The following SRD5A2 variants were observed in gnomAD, a reference collection of about 807,000 sequenced individuals.
SRD5A2 encodes steroid 5 alpha-reductase 2.
SRD5A2 carries 30 observed loss-of-function variants against 27.4 expected under a neutral mutation model. That is an observed-to-expected ratio of 1.10 (90% confidence interval 0.82 to 1.49). SRD5A2 has a LOEUF of 1.49. SRD5A2 is among the 40% of genes most tolerant of loss of function. The pLI is 0.00. For synonymous variants in SRD5A2, 141 were observed against 133.6 expected, an observed-to-expected ratio of 1.06 and a Z score of -0.38; for missense variants, 348 against 323.4, an observed-to-expected ratio of 1.08 and a Z score of -0.58.
chr2:31,562,481 T>C (rs1398234968), intron 1 of SRD5A2, among the ~76,000 whole-genome samples: 1 of 152,174 alleles, frequency 6.6e-6, no homozygotes, highest in Non-Finnish European at 1.5e-5. Context: ...ATTCATTCAA[T>C]CTAATCATAT....
the SRD5A2 span, among the ~76,000 whole-genome samples, chr2:31,586,741 T>C: frequency 6.6e-6 from 1 of 152,130 alleles, no homozygotes; most frequent in African/African-American, 2.4e-5. Context: ...CTCCGGTCTT[T>C]TCAAATATCT....
chr2:31,636,057 AT>A, the SRD5A2 span, among the ~76,000 whole-genome samples: 1 of 151,672 alleles, frequency 6.6e-6, no homozygotes, highest in African/African-American at 2.4e-5. Context: ...AAATTTTAGG[AT>A]TTTTTTTCTA....
At chr2:31,660,064 T>C in the SRD5A2 span, among the ~76,000 whole-genome samples, 1 of 152,098 alleles carries the variant, frequency 6.6e-6, no homozygotes, top group African/African-American at 2.4e-5. Context: ...ATAGATTTCA[T>C]CTATAGAATT....
the SRD5A2 span, among the ~76,000 whole-genome samples, chr2:31,625,941 C>T: frequency 0.018 from 2,677 of 152,110 alleles, 40 homozygotes; most frequent in South Asian, 0.042. Flanking sequence ...AATCTATACA[C>T]TACCTTGGGC....
the SRD5A2 span, among the ~76,000 whole-genome samples, chr2:31,613,831 G>A: frequency 1.3e-5 from 2 of 152,118 alleles, no homozygotes; most frequent in African/African-American, 4.8e-5. Flanking sequence ...TTGCATGGTG[G>A]CAGGCAGGAG....
chr2:31,531,272 T>G (rs1424359949), intron 3 of SRD5A2, 99 bp downstream of exon 3: 5 of 807,290 alleles, frequency 6.2e-6, no homozygotes, highest in Non-Finnish European at 1.0e-5. Context: ...TATTGTATCA[T>G]TCGTGCCCTC....
At chr2:31,554,707 A>T (rs1251135254) in intron 1 of SRD5A2, among the ~76,000 whole-genome samples, 1 of 152,208 alleles carries the variant, frequency 6.6e-6, no homozygotes, top group African/African-American at 2.4e-5. Flanking sequence ...TTTCCCTGGC[A>T]TCAATTTGCA....
At chr2:31,598,215 T>C in the SRD5A2 span, among the ~76,000 whole-genome samples, 1 of 152,036 alleles carries the variant, frequency 6.6e-6, no homozygotes, top group Non-Finnish European at 1.5e-5. Flanking sequence ...CCAAGCATTG[T>C]ATGTTCTCAC....
chr2:31,631,463 T>C, the SRD5A2 span, among the ~76,000 whole-genome samples: 2 of 151,898 alleles, frequency 1.3e-5, no homozygotes, highest in South Asian at 4.2e-4. Context: ...GCATCCCCTG[T>C]TTTTTTTCAG....
chr2:31,571,710 G>T (rs1000652452), intron 1 of SRD5A2, among the ~76,000 whole-genome samples: 3 of 152,050 alleles, frequency 2.0e-5, no homozygotes, highest in African/African-American at 7.3e-5. Context: ...GTGGGCAAAG[G>T]ACATCAACAG....
chr2:31,629,839 T>A, the SRD5A2 span, among the ~76,000 whole-genome samples: 2 of 152,174 alleles, frequency 1.3e-5, no homozygotes, highest in African/African-American at 4.8e-5. Context: ...CCTCTGAGTC[T>A]ACTTCCTCTG....
At chr2:31,662,298 T>C in the SRD5A2 span, among the ~76,000 whole-genome samples, 1 of 152,098 alleles carries the variant, frequency 6.6e-6, no homozygotes, top group Non-Finnish European at 1.5e-5. Context: ...AAGACTTGGT[T>C]TGCAGGTTGT....
At chr2:31,543,325 C>T (rs1377553509) in intron 1 of SRD5A2, among the ~76,000 whole-genome samples, 4 of 152,222 alleles carry the variant, frequency 2.6e-5, no homozygotes, top group East Asian at 3.9e-4. Context: ...AAAATGAAAG[C>T]ATACTATACA....
chr2:31,594,578 G>T, the SRD5A2 span, among the ~76,000 whole-genome samples: 1 of 152,084 alleles, frequency 6.6e-6, no homozygotes, highest in East Asian at 1.9e-4. Flanking sequence ...CCTAAGAAAT[G>T]AAATAGATAG....
chr2:31,647,018 G>A, the SRD5A2 span, among the ~76,000 whole-genome samples: 21 of 152,122 alleles, frequency 1.4e-4, no homozygotes, highest in Middle Eastern at 3.4e-3. Context: ...CATGGTGGGC[G>A]CCTGTAATTC....
intron 4 of SRD5A2, among the ~76,000 whole-genome samples, chr2:31,528,823 T>A (rs2148062883): frequency 6.6e-6 from 1 of 152,238 alleles, no homozygotes; most frequent in East Asian, 1.9e-4. Flanking sequence ...TGGAAAGTGC[T>A]GGCCATGGTC....
At chr2:31,556,235 G>A (rs558884630) in intron 1 of SRD5A2, among the ~76,000 whole-genome samples, 2 of 152,194 alleles carry the variant, frequency 1.3e-5, no homozygotes, top group Admixed American at 6.5e-5. Flanking sequence ...ACATATTAGA[G>A]AATGGGATGT....
chr2:31,526,626 C>T (rs1298832616), intron 4 of SRD5A2, among the ~76,000 whole-genome samples: 1 of 152,054 alleles, frequency 6.6e-6, no homozygotes. Flanking sequence ...TGTTTGGATT[C>T]AGCTGGGAAA....
chr2:31,549,648 A>G (rs1417733511), intron 1 of SRD5A2, among the ~76,000 whole-genome samples: 1 of 152,222 alleles, frequency 6.6e-6, no homozygotes, highest in Non-Finnish European at 1.5e-5. Flanking sequence ...TTAGAGAGGG[A>G]CATTATATAA....
Sources: gnomAD v4.1 joint callset for allele counts (sites outside exome capture counted in the v4.1 genomes callset) on GRCh38, gnomAD v4.1.1 for gene constraint, MANE v1.5 for transcripts, NCBI Gene and HGNC (gene_info 2026-07-23, HGNC 2026-07-21) for gene names.